The following C12orf56 variants were observed in gnomAD, a reference collection of about 807,000 sequenced individuals.
C12orf56 encodes the protein uncharacterized protein C12orf56.
C12orf56 carries 71 observed loss-of-function variants against 69.9 expected under a neutral mutation model. The observed-to-expected ratio is 1.02, with a 90% CI of 0.84 to 1.24. The LOEUF (loss-of-function observed/expected upper bound fraction) is 1.24. C12orf56 is among the 50% of genes most tolerant of loss of function. The probability of loss-of-function intolerance (pLI) is 0.00; values close to 1 mark genes in which losing one functional copy is unlikely to be tolerated. For missense variants in C12orf56, 732 were observed against 738.5 expected, an observed-to-expected ratio of 0.99 and a Z score of 0.10; for synonymous variants, 276 against 274.1, an observed-to-expected ratio of 1.01 and a Z score of -0.07.
chr12:64,344,199 G>A (rs2039111721), intron 2 of C12orf56, among the ~76,000 whole-genome samples: 1 of 152,118 alleles, frequency 6.6e-6, no homozygotes, highest in East Asian at 1.9e-4. Context: ...GGGAAGGATG[G>A]GAGAAAGATT....
intron 4 of C12orf56, among the ~76,000 whole-genome samples, chr12:64,314,021 C>T (rs1211344402): frequency 9.9e-6 from 1 of 101,350 alleles, no homozygotes; most frequent in Non-Finnish European, 1.8e-5. Flanking sequence ...CCAGCCTGGG[C>T]AACAAGAGCA....
At chr12:64,280,965 T>C (rs965360909) in intron 8 of C12orf56, among the ~76,000 whole-genome samples, 3 of 152,196 alleles carry the variant, frequency 2.0e-5, no homozygotes, top group Non-Finnish European at 2.9e-5. Flanking sequence ...ATTTGTTATA[T>C]GGCAATAGAA....
intron 3 of C12orf56, among the ~76,000 whole-genome samples, chr12:64,328,693 AAAAAAAAAAAAAAATATATATATAT>A (rs1238364146): frequency 0.092 from 1,936 of 21,038 alleles, 93 homozygotes; most frequent in African/African-American, 0.22. Context: ...AAAAAAAAAA[AAAAAAAAAAAAAAATATATATATAT>A]ATATATATAT....
At chr12:64,369,157 C>A (rs114468711) in intron 1 of C12orf56, among the ~76,000 whole-genome samples, 852 of 136,358 alleles carry the variant, frequency 6.2e-3, no homozygotes, top group Non-Finnish European at 7.6e-3. Context: ...CATCTCTCTA[C>A]AAAAAAAAAA....
At chr12:64,387,802 G>A (rs1374092641) in intron 1 of C12orf56, among the ~76,000 whole-genome samples, 4 of 151,752 alleles carry the variant, frequency 2.6e-5, no homozygotes, top group African/African-American at 9.7e-5. Flanking sequence ...ACAGAGCAAG[G>A]CCCTGTCTCC....
chr12:64,321,533 T>G (rs2038772999), intron 3 of C12orf56, among the ~76,000 whole-genome samples: 1 of 152,148 alleles, frequency 6.6e-6, no homozygotes, highest in Admixed American at 6.5e-5. Context: ...GGGGTCTCAC[T>G]ATGTTGCCAG....
rs115198673 is a variant in C12orf56 at position 64,347,594 on chromosome 12, A to G, written c.415+5300T>C. 5.1e-3 allele frequency among the ~76,000 whole-genome samples: 775 copies of G among 152,106 alleles called. 12 individuals are homozygous for G. Among genetic ancestry groups the G allele is most frequent in the African/African-American group, 0.018 (751 of 41,482 alleles). ...ACCCAGCCTAACTTCCCTGTTTTCT[A>G]GAGACAGGGTCTCACTCTGTCCCCC... On this transcript the variant is annotated intron_variant, in intron 2 of 12. Transcript: ENST00000543942.
chr12:64,274,094 G>A (rs557346584), intron 11 of C12orf56, among the ~76,000 whole-genome samples: 2 of 152,364 alleles, frequency 1.3e-5, no homozygotes, highest in African/African-American at 4.8e-5. Flanking sequence ...GTCACGGGGG[G>A]CAGAGAAGCG....
At chr12:64,382,691 G>A (rs1592506593) in intron 1 of C12orf56, among the ~76,000 whole-genome samples, 1 of 151,592 alleles carries the variant, frequency 6.6e-6, no homozygotes, top group Non-Finnish European at 1.5e-5. Flanking sequence ...TGGCTAACAT[G>A]GTGAAACCCC....
chr12:64,383,781 G>A lies in C12orf56; in HGVS notation c.252+6533C>T, dbSNP rs191323847. ...ACAACTATAAATCAACCAAATATGA[G>A]CTTTGTCCTTTGTTATACGTTTACC... On this transcript the variant is annotated intron_variant, in intron 1 of 12. Transcript: ENST00000543942. Among the ~76,000 whole-genome samples, 9 of 152,158 alleles carry A rather than the reference G, an allele frequency of 5.9e-5. No individual in the cohort carries two copies. In the East Asian group the frequency reaches 1.4e-3, roughly 23 times the overall value.
intron 1 of C12orf56, among the ~76,000 whole-genome samples, chr12:64,386,398 A>ATATATTTTT (rs752756817): frequency 1.1e-4 from 10 of 87,340 alleles, no homozygotes; most frequent in South Asian, 3.4e-4. Context: ...ATATATATAT[A>ATATATTTTT]TTTTTTTTTT....
chr12:64,354,646 A>C (rs1472725573), intron 1 of C12orf56, among the ~76,000 whole-genome samples: 2 of 151,430 alleles, frequency 1.3e-5, no homozygotes, highest in Non-Finnish European at 3.0e-5. Flanking sequence ...TTTCGTAGAG[A>C]TGGGGTTTCA....
chr12:64,367,061 A>G lies in C12orf56; in HGVS notation c.253-14005T>C, dbSNP rs1251623083. Among the ~76,000 whole-genome samples, 6 of 6,784 alleles carry G rather than the reference A, an allele frequency of 8.8e-4. 1 individual carries two copies. The highest frequency in any genetic ancestry group is 2.6e-3 in the African/African-American group (6 of 2,322). 4.5% of individuals were successfully genotyped at this position (6,784 alleles called of 152,430 possible). On this transcript the variant is annotated intron_variant, in intron 1 of 12. Coordinates refer to ENST00000543942, the MANE Select transcript of C12orf56 (RefSeq NM_001170633.2). ...ATAACATACACTTTATATATTATAT[A>G]TAACATACACTTTATATATTATATA... is the stretch of plus-strand genomic sequence containing the variant.
intron 4 of C12orf56, among the ~76,000 whole-genome samples, chr12:64,314,320 T>C (rs564011125): frequency 4.4e-4 from 67 of 152,194 alleles, no homozygotes; most frequent in African/African-American, 1.5e-3. Flanking sequence ...CTTGAACTCC[T>C]GGCCTCAAGC....
chr12:64,386,384 T>TA (rs2039789463), intron 1 of C12orf56, among the ~76,000 whole-genome samples: 17 of 104,102 alleles, frequency 1.6e-4, no homozygotes, highest in African/African-American at 5.7e-4. Context: ...TGGCTAATTT[T>TA]TATATATATA....
intron 1 of C12orf56, among the ~76,000 whole-genome samples, chr12:64,383,392 T>G (rs2039747068): frequency 6.6e-6 from 1 of 152,106 alleles, no homozygotes; most frequent in Non-Finnish European, 1.5e-5. Context: ...ACCAATTTTT[T>G]TTTGAGACAG....
At chr12:64,328,679 CAAAAAAAA>C (rs59688148) in intron 3 of C12orf56, among the ~76,000 whole-genome samples, 4 of 57,918 alleles carry the variant, frequency 6.9e-5, no homozygotes, top group Admixed American at 6.7e-4. Flanking sequence ...GACTCCATCT[CAAAAAAAA>C]AAAAAAAAAA....
chr12:64,353,265 C>G (rs1449159187), intron 1 of C12orf56, among the ~76,000 whole-genome samples: 1 of 152,062 alleles, frequency 6.6e-6, no homozygotes, highest in Non-Finnish European at 1.5e-5. Context: ...TCGAGTGATT[C>G]TCCTGCCTCA....
chr12:64,315,546 C>A (rs1011438410), intron 4 of C12orf56, among the ~76,000 whole-genome samples: 1 of 152,280 alleles, frequency 6.6e-6, no homozygotes, highest in Admixed American at 6.5e-5. Flanking sequence ...GGAGGCTCAA[C>A]TCTTTGGAAA....
Sources: gnomAD v4.1 joint callset for allele counts (sites outside exome capture counted in the v4.1 genomes callset) on GRCh38, gnomAD v4.1.1 for gene constraint, MANE v1.5 for transcripts, NCBI Gene and HGNC (gene_info 2026-07-23, HGNC 2026-07-21) for gene names.